The following SLC4A11 variants were observed in gnomAD, a reference collection of about 807,000 sequenced individuals.
SLC4A11 encodes the protein solute carrier family 4 member 11.
SLC4A11 carries 74 observed loss-of-function variants against 95.0 expected under a neutral mutation model. That is an observed-to-expected ratio of 0.78 (90% confidence interval 0.65 to 0.95). The LOEUF is 0.95. SLC4A11 is among the 40% of genes least tolerant of loss of function. SLC4A11 has a pLI of 0.00. For synonymous variants in SLC4A11, 548 were observed against 519.0 expected (o/e 1.06, Z -0.76); for missense variants, 1,081 against 1,192.4 (o/e 0.91, Z 1.38).
chr20:3,236,045 A>G (rs191975581), intron 2 of SLC4A11, among the ~76,000 whole-genome samples: 144 of 152,058 alleles, frequency 9.5e-4, no homozygotes, highest in Non-Finnish European at 1.8e-3. Flanking sequence ...CCCAGACCCC[A>G]CTGATGCCTG....
chr20:3,235,280 G>GTC lies in SLC4A11; in HGVS notation c.89-388_89-387dup, dbSNP rs143173251. Reference sequence around the variant, plus strand: ...AAGGCAGAGAAGCTGCAGTATCCACGTCTCTCTCTCTCTCTCTCTCTCTCT... The same window carrying GTC: ...AAGGCAGAGAAGCTGCAGTATCCACGTCTCTCTCTCTCTCTCTCTCTCTCTCT... On this transcript the variant is annotated intron_variant, in intron 2 of 19. Transcript: ENST00000642402. 6.7e-4 allele frequency among the ~76,000 whole-genome samples: 68 copies of GTC among 101,212 alleles called. 1 individual carries two copies. The highest frequency in any genetic ancestry group is 3.3e-3 in the South Asian group (11 of 3,368). 66.4% of individuals were successfully genotyped at this position (101,212 alleles called of 152,430 possible).
Position 3,230,833 on chromosome 20 carries a change from G to A in SLC4A11, c.1181C>T (p.Thr394Ile). Residue 394 changes from threonine to isoleucine, a missense_variant, in exon 11 of 20, where the codon ACC becomes ATC. Physicochemically the swap from Thr to Ile is moderately conservative, Grantham distance 89. Around this residue, in one of 3 missense-constraint regions of SLC4A11, gnomAD observed 767 missense variants for 858.0 expected, o/e 0.89. Coordinates refer to ENST00000642402, the MANE Select transcript of SLC4A11 (RefSeq NM_001174089.2). Reference sequence around the variant, plus strand: ...GCCCCCGATGCTCTGCCCGGCTATGGTCTTCTGCACGTCTGTGGGGGTGCG... The same window carrying A: ...GCCCCCGATGCTCTGCCCGGCTATGATCTTCTGCACGTCTGTGGGGGTGCG... ...NTDGAIDVQK[T>I]IAGQSIGGLL... 1 of 1,613,378 alleles carries A rather than the reference G, an allele frequency of 6.2e-7. No individual in the cohort carries two copies. Among genetic ancestry groups the A allele is most frequent in the Non-Finnish European group, 8.5e-7 (1 of 1,179,930 alleles).
chr20:3,229,807 T>C (rs1296894208), intron 13 of SLC4A11, 31 bp from the exon 14 acceptor site: 1 of 1,613,422 alleles, frequency 6.2e-7, no homozygotes, highest in African/African-American at 1.3e-5. Context: ...GCCTCAGCCC[T>C]CTCCAGCGTG....
chr20:3,238,707 A>C, intron 1 of SLC4A11: 4 of 1,012,392 alleles, frequency 4.0e-6, no homozygotes, highest in Non-Finnish European at 2.4e-6. Context: ...CCCGGGCGGA[A>C]GGTAAAATGA....
intron 12 of SLC4A11, 23 bp from the exon 13 acceptor site, chr20:3,230,283 A>T (rs200181351): frequency 1.2e-6 from 2 of 1,613,236 alleles, no homozygotes; most frequent in East Asian, 4.5e-5. Flanking sequence ...CATGAGCCTC[A>T]TCAGAGTGGG....
chr20:3,239,020 C>T, intron 1 of SLC4A11, 75 bp downstream of exon 1: 4 of 1,443,786 alleles, frequency 2.8e-6, no homozygotes, highest in Non-Finnish European at 3.6e-6. Context: ...CGCGTTCTCC[C>T]CGGGGTCCCC....
At chr20:3,236,381 C>G (rs1413120478) in intron 2 of SLC4A11, among the ~76,000 whole-genome samples, 1 of 152,168 alleles carries the variant, frequency 6.6e-6, no homozygotes, top group Non-Finnish European at 1.5e-5. Flanking sequence ...TCGAGACCAT[C>G]CTGGCTAACA....
rs139459876 is a variant in SLC4A11, at chr20:3,233,549, G to T, written c.694C>A (p.Arg232=). 38 of 1,613,722 alleles carry T rather than the reference G, an allele frequency of 2.4e-5. No individual in the cohort carries two copies. Among genetic ancestry groups the T allele is most frequent in the African/African-American group, 8.0e-5 (6 of 75,020 alleles). The change falls in exon 7 of 20, where the codon CGG becomes AGG. Residue 232 remains arginine, a synonymous_variant. Transcript: ENST00000642402. ...GGGGCCAGCACCAGGATGACGAACC[G>T]AACCTCACAGGAATTCTCCCCCCAG... ...QNWGENSCEV[R]FVILVLAPPK... is the part of the protein sequence containing the mutation.
At position 3,229,609 on chromosome 20, in the gene SLC4A11, A is replaced by C. The variant is rs765924906; in HGVS notation, c.1657T>G (p.Ser553Ala). 1 of 1,612,668 alleles carries C rather than the reference A, an allele frequency of 6.2e-7. No homozygotes were observed. Among genetic ancestry groups the C allele is most frequent in the Non-Finnish European group, 8.5e-7 (1 of 1,179,874 alleles). The change falls in exon 14 of 20, where the codon TCA (serine) becomes GCA (alanine). Residue 553 changes from serine (S) to alanine (A), a missense_variant. Around this residue, in one of 3 missense-constraint regions of SLC4A11, gnomAD observed 767 missense variants for 858.0 expected, o/e 0.89. Coordinates refer to ENST00000642402, the MANE Select transcript of SLC4A11 (RefSeq NM_001174089.2). ...SPTELPSATH[S>A]GQATAVLSLL... is the part of the protein sequence containing the mutation. The stretch of plus-strand genomic sequence containing the variant: ...CTGAGCACGGCGGTCGCCTGGCCTG[A>C]GTGTGTGGCCGAGGGCAGCTCCGTG...
chr20:3,228,230 C>T, intron 19 of SLC4A11, 29 bp downstream of exon 19: 1 of 1,609,992 alleles, frequency 6.2e-7, no homozygotes, highest in Non-Finnish European at 8.5e-7. Flanking sequence ...AGACTGGGCC[C>T]CTCCTGCCCA....
chr20:3,229,379 G>T lies in SLC4A11; in HGVS notation c.1816C>A (p.Leu606Ile), dbSNP rs545052586. ...TCCCGGAAGCCATGGGAGCTGATGAGGGAGAAGGCGAGCACCGCGATGGGC... is the reference window on the plus strand; with the variant it reads ...TCCCGGAAGCCATGGGAGCTGATGATGGAGAAGGCGAGCACCGCGATGGGC... ...ALPIAVLAFS[L>I]ISSHGFREIE... Residue 606 changes from leucine (L) to isoleucine (I), a missense_variant, in exon 15 of 20, where the codon CTC becomes ATC. By Grantham distance (5) the Leu-to-Ile change is conservative. Transcript: ENST00000642402. The T allele has an allele frequency of 1.9e-6, 3 of 1,613,344 alleles. No individual in the cohort carries two copies. Among genetic ancestry groups the T allele is most frequent in the Non-Finnish European group, 1.7e-6 (2 of 1,180,018 alleles).
In SLC4A11 at chr20:3,239,184, C is replaced by T. The variant is rs2068081110; in HGVS notation, c.-47G>A. Reference sequence around the variant, plus strand: ...CCGGGCTCCTCACGCGGCGCTCCGGCGCTTCTGGACCCCAAACTCGGCGAC... The same window carrying T: ...CCGGGCTCCTCACGCGGCGCTCCGGTGCTTCTGGACCCCAAACTCGGCGAC... On this transcript the variant is annotated 5_prime_UTR_variant, in exon 1 of 20. Transcript: ENST00000642402. 3.6e-6 allele frequency: 5 copies of T among 1,401,724 alleles called. No homozygotes were observed. The highest frequency in any genetic ancestry group is 1.9e-4 in the Middle Eastern group (1 of 5,172). The allele number at this position is 1,401,724 out of a possible 1,614,324, so 86.8% of individuals were successfully genotyped here. A position where few individuals can be genotyped will look rare whatever the true frequency, so the allele number is the denominator to read the frequency against.
At position 3,231,688 on chromosome 20, in the gene SLC4A11, C is replaced by T. The variant is rs2067786800; in HGVS notation, c.730-140G>A. 1.3e-6 allele frequency: 1 copy of T among 763,464 alleles called. No homozygotes were observed. The highest frequency in any genetic ancestry group is 1.7e-5 in the African/African-American group (1 of 57,848). The allele number at this position is 763,464 out of a possible 1,614,324, so 47.3% of individuals were successfully genotyped here. A position where few individuals can be genotyped will look rare whatever the true frequency, so the allele number is the denominator to read the frequency against. ...TGTGTTTTTTTGAGACAGGGTCTCACTGTCACCCAGGCTGAGTGCAGTGGC... is the reference window on the plus strand; with the variant it reads ...TGTGTTTTTTTGAGACAGGGTCTCATTGTCACCCAGGCTGAGTGCAGTGGC... On this transcript the variant is annotated intron_variant, in intron 7 of 19. Transcript: ENST00000642402. This position sits in a 1 kb window ranked among gnomAD's most constrained non-coding sequence, Gnocchi z 5.2.
At chr20:3,238,004 G>A in intron 1 of SLC4A11, 2 of 1,547,178 alleles carry the variant, frequency 1.3e-6, no homozygotes, top group Non-Finnish European at 1.7e-6. Flanking sequence ...CAAGGCGGGG[G>A]ATCTCTCTGC....
rs1412258586 is a variant in SLC4A11, at chr20:3,234,722, C to T, written c.241+20G>A. On this transcript the variant is annotated intron_variant, in intron 3 of 19. Transcript: ENST00000642402. This position sits in a 1 kb window ranked among gnomAD's most constrained non-coding sequence, Gnocchi z 5.8. The stretch of plus-strand genomic sequence containing the variant: ...AGTCCCGTGCCTTCCCCCAGTCTGC[C>T]CCTGCTGCAGCCCCCATACCAGTGT... 3 of 1,613,962 alleles carry T rather than the reference C, an allele frequency of 1.9e-6. No homozygotes were observed. Among genetic ancestry groups the T allele is most frequent in the South Asian group, 1.1e-5 (1 of 91,084 alleles).
chr20:3,238,911 C>T, intron 1 of SLC4A11, 184 bp downstream of exon 1: 1 of 1,256,478 alleles, frequency 8.0e-7, no homozygotes, highest in Non-Finnish European at 1.0e-6. Flanking sequence ...GGCCGCGAAG[C>T]CGCGCCCGGG....
intron 19 of SLC4A11, 58 bp from the exon 20 acceptor site, chr20:3,227,914 C>A: frequency 6.5e-7 from 1 of 1,527,582 alleles, no homozygotes; most frequent in Non-Finnish European, 8.9e-7. Flanking sequence ...CAGTGGACAC[C>A]CATCCCAGCC....
At chr20:3,228,232 TC>T (rs776296211) in intron 19 of SLC4A11, 26 bp downstream of exon 19, 1 of 1,375,578 alleles carries the variant, frequency 7.3e-7, no homozygotes, top group Non-Finnish European at 9.6e-7. Context: ...ACTGGGCCCC[TC>T]CTGCCCACTG....
rs1340999005 is a variant in SLC4A11 at position 3,230,926 on chromosome 20, C to T, written c.1168+7G>A. On this transcript the variant is annotated splice_region_variant and intron_variant, in intron 10 of 19. Transcript: ENST00000642402. ...CCCCCACCCACCGCCCACCGCCAGC[C>T]CCTCACCGATGGCCCCGTCTGTGTT... 3 of 1,613,644 alleles carry T rather than the reference C, an allele frequency of 1.9e-6. No individual in the cohort carries two copies. Among genetic ancestry groups the T allele is most frequent in the African/African-American group, 2.7e-5 (2 of 74,912 alleles).
Sources: allele counts gnomAD v4.1 joint callset (sites outside exome capture counted in the v4.1 genomes callset), GRCh38; gene constraint gnomAD v4.1.1; regional missense constraint gnomAD v4.1.1; non-coding constraint Gnocchi (gnomAD v3.1); transcripts MANE v1.5; gene names NCBI Gene and HGNC (gene_info 2026-07-23, HGNC 2026-07-21).